Variants in ELOVL7 observed in about 807,000 individuals in gnomAD.
The protein encoded by ELOVL7 is very long chain fatty acid elongase 7.
In ELOVL7, 27 loss-of-function variants were observed where a neutral mutation model predicts 35.7. The ratio of observed to expected loss-of-function variants is 0.76; its 90% CI spans 0.56 to 1.04. ELOVL7 has a LOEUF of 1.04. Ranked by LOEUF, ELOVL7 falls within the 50% of genes least tolerant of loss-of-function variation. The pLI, the probability that ELOVL7 is intolerant of heterozygous loss-of-function variation, is 0.00. For synonymous variants in ELOVL7, 113 were observed against 114.6 expected, an observed-to-expected ratio of 0.99 and a Z score of 0.09; for missense variants, 327 against 340.8, an observed-to-expected ratio of 0.96 and a Z score of 0.32.
Position 60,766,618 on chromosome 5 carries a change from A to T in ELOVL7, c.349T>A (p.Cys117Ser). ...AATTTGGAGAAGTAATAAAGCCAGC[A>T]GGTACGTGCCATCTGCAGAAGCACA... is the stretch of plus-strand genomic sequence containing the variant. ...SPTALRMART[C>S]WLYYFSKFIE... Residue 117 changes from cysteine (C) to serine (S), a missense_variant, in exon 6 of 9, where the codon TGC (cysteine) becomes AGC (serine). Cys to Ser is a moderately radical substitution (Grantham distance 112, BLOSUM62 -1). Transcript: ENST00000508821. 6.2e-7 allele frequency: 1 copy of T among 1,613,174 alleles called. No individual in the cohort carries two copies. The highest frequency in any genetic ancestry group is 8.5e-7 in the Non-Finnish European group (1 of 1,179,524).
chr5:60,830,439 T>C (rs4410607), intron 1 of ELOVL7, among the ~76,000 whole-genome samples: 121,873 of 152,024 alleles, frequency 0.8, 49,050 homozygotes, highest in East Asian at 0.9. Context: ...ATGTGGCAGC[T>C]GAGTGGTCCT....
rs572148321 is a variant in ELOVL7, at chr5:60,758,557, T to C, written c.500-912A>G. Reference sequence around the variant, plus strand: ...ATCCTTATTTACGGCTTCCAATTGATTATGCCTTCCTATTTTGGTTTTCTT... The same window carrying C: ...ATCCTTATTTACGGCTTCCAATTGACTATGCCTTCCTATTTTGGTTTTCTT... On this transcript the variant is annotated intron_variant, in intron 7 of 8. Transcript: ENST00000508821. Among the ~76,000 whole-genome samples the C allele has an allele frequency of 4.6e-5, 7 of 152,324 alleles. No individual in the cohort carries two copies. The South Asian group carries it at 1.5e-3, about 32-fold the overall frequency.
At chr5:60,811,721 G>A (rs1745245714) in intron 1 of ELOVL7, among the ~76,000 whole-genome samples, 1 of 152,070 alleles carries the variant, frequency 6.6e-6, no homozygotes, top group South Asian at 2.1e-4. Context: ...TACCACCTCA[G>A]GACTTTGTAG....
At chr5:60,758,022 C>T (rs186318593) in intron 7 of ELOVL7, among the ~76,000 whole-genome samples, 12 of 152,196 alleles carry the variant, frequency 7.9e-5, no homozygotes, top group Admixed American at 6.5e-4. Context: ...TTAATCTTAA[C>T]TTGATGATTT....
chr5:60,813,647 T>G (rs910593047), intron 1 of ELOVL7, among the ~76,000 whole-genome samples: 1 of 151,032 alleles, frequency 6.6e-6, no homozygotes, highest in East Asian at 1.9e-4. Context: ...TTATATCAAT[T>G]TTTTTTTTTC....
At chr5:60,812,094 C>G (rs1360481286) in intron 1 of ELOVL7, among the ~76,000 whole-genome samples, 1 of 152,122 alleles carries the variant, frequency 6.6e-6, no homozygotes, top group East Asian at 1.9e-4. Context: ...ATGGCACACA[C>G]CTGTTGTCCC....
At chr5:60,759,545 C>A (rs1369635473) in intron 7 of ELOVL7, among the ~76,000 whole-genome samples, 1 of 151,496 alleles carries the variant, frequency 6.6e-6, no homozygotes, top group Non-Finnish European at 1.5e-5. Context: ...TGATATGGAA[C>A]TATGTCAGAG....
intron 3 of ELOVL7, chr5:60,785,899 T>A (rs1454363976): frequency 6.6e-6 from 1 of 152,222 alleles, no homozygotes; most frequent in Non-Finnish European, 1.5e-5. Flanking sequence ...TTTAGTAGTC[T>A]GCTGAGAAAG....
At chr5:60,770,759 A>G (rs1487108534) in intron 4 of ELOVL7, among the ~76,000 whole-genome samples, 2 of 152,224 alleles carry the variant, frequency 1.3e-5, no homozygotes, top group Non-Finnish European at 2.9e-5. Context: ...GTCACTAGAC[A>G]TGATCACGGC....
At chr5:60,816,940 T>G (rs1745549677) in intron 1 of ELOVL7, among the ~76,000 whole-genome samples, 1 of 152,160 alleles carries the variant, frequency 6.6e-6, no homozygotes, top group African/African-American at 2.4e-5. Context: ...TACACAGATC[T>G]CTCTGTAGTA....
intron 7 of ELOVL7, among the ~76,000 whole-genome samples, chr5:60,760,465 C>T (rs372839127): frequency 6.6e-5 from 10 of 152,060 alleles, no homozygotes; most frequent in Non-Finnish European, 7.4e-5. Context: ...TCATGTCCTT[C>T]GCCCACTTTT....
At chr5:60,769,305 A>G (rs1260206320) in intron 4 of ELOVL7, among the ~76,000 whole-genome samples, 1 of 152,236 alleles carries the variant, frequency 6.6e-6, no homozygotes, top group Non-Finnish European at 1.5e-5. Flanking sequence ...TGACTAATGT[A>G]ACGCTCTGTG....
At chr5:60,843,133 C>T (rs980069254) in intron 1 of ELOVL7, among the ~76,000 whole-genome samples, 3 of 151,932 alleles carry the variant, frequency 2.0e-5, no homozygotes, top group African/African-American at 4.8e-5. Flanking sequence ...ACATGCTTTC[C>T]GAGGGGAGAT....
intron 1 of ELOVL7, chr5:60,843,536 C>T (rs1424658024): frequency 1.3e-5 from 2 of 152,460 alleles, no homozygotes; most frequent in African/African-American, 4.8e-5. Context: ...CAGGATGCGG[C>T]TCGGGGAGCC....
chr5:60,842,205 C>T (rs993706676), intron 1 of ELOVL7, among the ~76,000 whole-genome samples: 2 of 151,654 alleles, frequency 1.3e-5, no homozygotes, highest in Admixed American at 6.6e-5. Flanking sequence ...TGGGAGTGGG[C>T]GAGACTGATA....
At chr5:60,769,292 T>C (rs1742431706) in intron 4 of ELOVL7, among the ~76,000 whole-genome samples, 1 of 152,204 alleles carries the variant, frequency 6.6e-6, no homozygotes, top group Non-Finnish European at 1.5e-5. Flanking sequence ...TCAGACTCAT[T>C]TTTGACTAAT....
chr5:60,771,140 C>CACA (rs966459406), intron 4 of ELOVL7, among the ~76,000 whole-genome samples: 2 of 151,980 alleles, frequency 1.3e-5, no homozygotes, highest in African/African-American at 4.8e-5. Flanking sequence ...GATTAAGCAC[C>CACA]AGTTATGCTA....
At position 60,809,525 on chromosome 5, in the gene ELOVL7, C is replaced by T. The variant is rs1745127953; in HGVS notation, c.-85-10295G>A. Among the ~76,000 whole-genome samples, 3 of 152,222 alleles carry T rather than the reference C, an allele frequency of 2.0e-5. 1 individual carries two copies. In the South Asian group the frequency reaches 6.2e-4, roughly 32 times the overall value. ...ACCCAACACTCAGCTCAACTGACTT[C>T]TGGGATCACTCCCTTTCTATGACCC... On this transcript the variant is annotated intron_variant, in intron 1 of 8. Coordinates refer to ENST00000508821, the MANE Select transcript of ELOVL7 (RefSeq NM_024930.3).
chr5:60,828,942 G>A (rs1027348629), intron 1 of ELOVL7, among the ~76,000 whole-genome samples: 3 of 152,000 alleles, frequency 2.0e-5, no homozygotes, highest in African/African-American at 7.2e-5. Context: ...TAACTTCTTA[G>A]GCATGATAAT....
Sources: gnomAD v4.1 joint callset for allele counts (sites outside exome capture counted in the v4.1 genomes callset) on GRCh38, gnomAD v4.1.1 for gene constraint, MANE v1.5 for transcripts, NCBI Gene and HGNC (gene_info 2026-07-23, HGNC 2026-07-21) for gene names.